Variants in RALB observed in about 807,000 individuals in gnomAD.
RALB encodes RAS like proto-oncogene B.
RALB carries 16 observed loss-of-function variants against 21.3 expected under a neutral mutation model. The ratio of observed to expected loss-of-function variants is 0.75; its 90% CI spans 0.51 to 1.14. The LOEUF (loss-of-function observed/expected upper bound fraction) is 1.14, where lower values mean the gene tolerates loss of function less well. RALB is among the 50% of genes most tolerant of loss of function. The probability of loss-of-function intolerance (pLI) is 0.00; values close to 1 mark genes in which losing one functional copy is unlikely to be tolerated. For missense variants in RALB, 161 were observed against 256.2 expected, an observed-to-expected ratio of 0.63 and a Z score of 2.54; for synonymous variants, 93 against 96.1, an observed-to-expected ratio of 0.97 and a Z score of 0.19.
At chr2:120,275,019 A>G (rs1310557099) in intron 1 of RALB, among the ~76,000 whole-genome samples, 1 of 152,212 alleles carries the variant, frequency 6.6e-6, no homozygotes, top group Non-Finnish European at 1.5e-5. Context: ...CTGGGCCTCC[A>G]GCACTATGAG....
exon 1 of RALB, chr2:120,240,116 C>G (rs917478405): frequency 7.8e-7 from 1 of 1,289,650 alleles, no homozygotes; most frequent in South Asian, 1.2e-5. Flanking sequence ...CATGAAACAG[C>G]GGCAGTCAGG....
At chr2:120,276,297 G>A (rs570224854) in intron 1 of RALB, among the ~76,000 whole-genome samples, 1 of 152,262 alleles carries the variant, frequency 6.6e-6, no homozygotes, top group East Asian at 1.9e-4. Flanking sequence ...CTTGGGCTGT[G>A]TTTTGTTAGA....
intron 1 of RALB, among the ~76,000 whole-genome samples, chr2:120,274,982 C>A (rs1689753043): frequency 6.6e-6 from 1 of 152,160 alleles, no homozygotes; most frequent in Non-Finnish European, 1.5e-5. Context: ...CCCCTTGTTC[C>A]CCCAGAGAGG....
chr2:120,277,718 CGT>C (rs373526305), intron 1 of RALB, among the ~76,000 whole-genome samples: 214 of 150,590 alleles, frequency 1.4e-3, no homozygotes, highest in African/African-American at 5.1e-3. Flanking sequence ...TGTGATAGTG[CGT>C]GTGTGATAGT....
chr2:120,291,134 G>T (rs1436030698), intron 4 of RALB, among the ~76,000 whole-genome samples: 1 of 152,150 alleles, frequency 6.6e-6, no homozygotes, highest in East Asian at 1.9e-4. Flanking sequence ...ATTAGAAGGG[G>T]TTTGCTTTAG....
rs1689902659 is a variant in RALB at position 120,278,478 on chromosome 2, G to T, written c.-47-140G>T. ...TCCAGAGTTGTTGGAGGGCTCGCAT[G>T]TCTGCCCTGAGCCTGAAAGGATTAC... On this transcript the variant is annotated intron_variant, in intron 1 of 4. Coordinates refer to ENST00000272519, the MANE Select transcript of RALB (RefSeq NM_002881.3). The T allele has an allele frequency of 3.7e-6, 3 of 811,258 alleles. No homozygotes were observed. The South Asian group carries it at 7.3e-5, about 20-fold the overall frequency. 50.3% of individuals were successfully genotyped at this position (811,258 alleles called of 1,614,324 possible).
chr2:120,286,004 A>G lies in RALB; in HGVS notation c.245A>G (p.Tyr82Cys). The change falls in exon 3 of 5, where the codon TAC (tyrosine) becomes TGC (cysteine). Residue 82 changes from tyrosine to cysteine, a missense_variant. Physicochemically the swap from Tyr to Cys is radical, Grantham distance 194. Transcript: ENST00000272519. The part of the protein sequence containing the change: ...QEDYAAIRDN[Y>C]FRSGEGFLLV... ...GACTACGCAGCCATTCGAGATAACT[A>G]CTTTCGGAGTGGGGAAGGGTTTCTT... The G allele has an allele frequency of 6.2e-7, 1 of 1,614,152 alleles. No individual in the cohort carries two copies. Among genetic ancestry groups the G allele is most frequent in the South Asian group, 1.1e-5 (1 of 91,084 alleles).
At chr2:120,274,525 G>A (rs558057342) in intron 1 of RALB, among the ~76,000 whole-genome samples, 73 of 152,100 alleles carry the variant, frequency 4.8e-4, no homozygotes, top group South Asian at 1.7e-3. Context: ...AGTCTGTGCT[G>A]TTTCAGAAGA....
chr2:120,269,265 G>A (rs1048242293), intron 1 of RALB, among the ~76,000 whole-genome samples: 3 of 152,120 alleles, frequency 2.0e-5, no homozygotes, highest in African/African-American at 7.2e-5. Flanking sequence ...GTGGGTTCAT[G>A]GTCTCACTGA....
intron 1 of RALB, among the ~76,000 whole-genome samples, chr2:120,265,474 T>C (rs1689479558): frequency 6.6e-6 from 1 of 152,282 alleles, no homozygotes. Flanking sequence ...TTGTATATTT[T>C]CTCTCAGGTC....
chr2:120,240,722 G>A (rs1036331112), intron 1 of RALB, among the ~76,000 whole-genome samples: 4 of 152,284 alleles, frequency 2.6e-5, no homozygotes, highest in Middle Eastern at 3.4e-3. Flanking sequence ...ATCATGCCAG[G>A]CCTTCCCTCC....
chr2:120,259,242 C>G (rs1160849091), intron 1 of RALB, among the ~76,000 whole-genome samples: 1 of 152,196 alleles, frequency 6.6e-6, no homozygotes, highest in Admixed American at 6.5e-5. Context: ...CTCGGGCAGC[C>G]TGCTTTTATT....
At chr2:120,266,461 A>C (rs1202513286) in intron 1 of RALB, among the ~76,000 whole-genome samples, 1 of 152,070 alleles carries the variant, frequency 6.6e-6, no homozygotes, top group Admixed American at 6.5e-5. Context: ...GTTGGCCAGG[A>C]TGGTCTCAAT....
At chr2:120,249,215 A>G (rs1463870379), upstream of RALB, among the ~76,000 whole-genome samples, 1 of 151,844 alleles carries the variant, frequency 6.6e-6, no homozygotes, top group Non-Finnish European at 1.5e-5. Flanking sequence ...TTGTATTTTT[A>G]GTAGAGATGG....
chr2:120,264,607 A>G (rs935121509), intron 1 of RALB, among the ~76,000 whole-genome samples: 4 of 152,222 alleles, frequency 2.6e-5, no homozygotes, highest in Admixed American at 2.6e-4. Flanking sequence ...AAATGTACAT[A>G]AGATAAAATT....
intron 1 of RALB, among the ~76,000 whole-genome samples, chr2:120,268,828 T>C (rs996602460): frequency 2.0e-5 from 3 of 152,158 alleles, no homozygotes; most frequent in African/African-American, 7.2e-5. Flanking sequence ...TTTATCAGAA[T>C]GCTTTAGAAC....
rs3795888 is a variant in RALB, at chr2:120,278,476, A to G, written c.-47-142A>G. The G allele has an allele frequency of 1.1e-4, 84 of 773,536 alleles. No individual in the cohort carries two copies. The East Asian group carries it at 2.8e-3, about 26-fold the overall frequency. The allele number at this position is 773,536 out of a possible 1,614,324, so 47.9% of individuals were successfully genotyped here. On this transcript the variant is annotated intron_variant, in intron 1 of 4. Transcript: ENST00000272519. ...CTTCCAGAGTTGTTGGAGGGCTCGC[A>G]TGTCTGCCCTGAGCCTGAAAGGATT...
chr2:120,267,056 A>C (rs1185419103), intron 1 of RALB, among the ~76,000 whole-genome samples: 3 of 152,200 alleles, frequency 2.0e-5, no homozygotes, highest in African/African-American at 7.2e-5. Context: ...ATCCTCCTCC[A>C]TCAGGAGGAA....
intron 1 of RALB, among the ~76,000 whole-genome samples, chr2:120,244,071 A>C (rs896943958): frequency 2.0e-5 from 3 of 152,322 alleles, no homozygotes; most frequent in African/African-American, 7.2e-5. Flanking sequence ...GCACATCTTC[A>C]CATGGCAACA....
Sources: allele counts gnomAD v4.1 joint callset (sites outside exome capture counted in the v4.1 genomes callset), GRCh38; gene constraint gnomAD v4.1.1; transcripts MANE v1.5; gene names NCBI Gene and HGNC (gene_info 2026-07-23, HGNC 2026-07-21).